The following PCDH9 variants were observed in gnomAD, a reference collection of about 807,000 sequenced individuals.
PCDH9 encodes protocadherin 9.
A neutral mutation model predicts 70.6 loss-of-function variants in PCDH9; 24 were observed. The ratio of observed to expected loss-of-function variants is 0.34; its 90% CI spans 0.25 to 0.48. The LOEUF (loss-of-function observed/expected upper bound fraction) is 0.48, where lower values mean the gene tolerates loss of function less well. Ranked by LOEUF, PCDH9 falls within the 20% of genes least tolerant of loss-of-function variation. The pLI, the probability that PCDH9 is intolerant of heterozygous loss-of-function variation, is 0.99. For missense variants in PCDH9, 1,281 were observed against 1,503.6 expected, an observed-to-expected ratio of 0.85 and a Z score of 2.45; for synonymous variants, 562 against 558.5, an observed-to-expected ratio of 1.01 and a Z score of -0.09.
chr13:66,657,567 C>A (rs1266691680), intron 3 of PCDH9, among the ~76,000 whole-genome samples: 1 of 152,202 alleles, frequency 6.6e-6, no homozygotes, highest in Non-Finnish European at 1.5e-5. Context: ...AATTCTCATT[C>A]TCTGTGCAGT....
intron 4 of PCDH9, among the ~76,000 whole-genome samples, chr13:66,463,653 C>G (rs1317428141): frequency 6.6e-6 from 1 of 151,582 alleles, no homozygotes; most frequent in Non-Finnish European, 1.5e-5. Context: ...TTTTGTGGAC[C>G]ACACTTTGAG....
At chr13:66,571,901 G>C (rs1171671186) in intron 4 of PCDH9, among the ~76,000 whole-genome samples, 1 of 151,810 alleles carries the variant, frequency 6.6e-6, no homozygotes, top group Non-Finnish European at 1.5e-5. Context: ...ATGAATGTTT[G>C]ATTACATATA....
chr13:67,022,106 C>CTTT lies in PCDH9; in HGVS notation c.3037-118504_3037-118502dup, dbSNP rs71110623. Among the ~76,000 whole-genome samples, 6 of 35,408 alleles carry CTTT rather than the reference C, an allele frequency of 1.7e-4. 1 individual carries two copies. The highest frequency in any genetic ancestry group is 6.4e-4 in the African/African-American group (5 of 7,782). 23.2% of individuals were successfully genotyped at this position (35,408 alleles called of 152,430 possible). On this transcript the variant is annotated intron_variant, in intron 2 of 4. Coordinates refer to ENST00000377865, the MANE Select transcript of PCDH9 (RefSeq NM_203487.3). ...GTCAAAGGGTGGACAAGGTGATGTT[C>CTTT]TTTTTTTTTTTTTTTTTTTTTTTTT...
intron 3 of PCDH9, among the ~76,000 whole-genome samples, chr13:66,854,637 T>C (rs772832071): frequency 2.0e-5 from 3 of 152,164 alleles, no homozygotes; most frequent in East Asian, 1.9e-4. Flanking sequence ...TTTTTTTGTA[T>C]GTTTTTGCTT....
intron 4 of PCDH9, among the ~76,000 whole-genome samples, chr13:66,427,496 A>G (rs1297287973): frequency 1.3e-5 from 2 of 151,776 alleles, no homozygotes; most frequent in Non-Finnish European, 3.0e-5. Flanking sequence ...GTTTTGTGTT[A>G]GTTCAAGATA....
intron 3 of PCDH9, among the ~76,000 whole-genome samples, chr13:66,658,152 C>A (rs549179846): frequency 9.9e-5 from 15 of 152,116 alleles, no homozygotes; most frequent in African/African-American, 3.6e-4. Context: ...AAAACCAGTC[C>A]CCCGATTGTA....
intron 4 of PCDH9, among the ~76,000 whole-genome samples, chr13:66,548,407 G>T (rs1306712864): frequency 5.3e-5 from 8 of 151,690 alleles, no homozygotes; most frequent in Non-Finnish European, 1.0e-4. Flanking sequence ...TCCACTAAAA[G>T]CACAAAAATT....
At chr13:66,380,687 G>GCGCCCGCCACCA (rs1480863010) in intron 4 of PCDH9, among the ~76,000 whole-genome samples, 1 of 151,900 alleles carries the variant, frequency 6.6e-6, no homozygotes, top group Non-Finnish European at 1.5e-5. Flanking sequence ...GGGACTACAG[G>GCGCCCGCCACCA]CGCCCGCCAC....
intron 2 of PCDH9, among the ~76,000 whole-genome samples, chr13:67,096,857 A>G (rs1484226129): frequency 6.6e-6 from 1 of 152,102 alleles, no homozygotes; most frequent in African/African-American, 2.4e-5. Flanking sequence ...TAAAAAATAA[A>G]GTTTATTAAA....
chr13:66,450,781 C>T lies in PCDH9; in HGVS notation c.3341-145753G>A, dbSNP rs551885048. ...CTGTAATCCCAGCACTTTGGGAGGC[C>T]GAGGCGGGCAGATCACGAGGTCAGG... is the stretch of plus-strand genomic sequence containing the variant. On this transcript the variant is annotated intron_variant, in intron 4 of 4. Transcript: ENST00000377865. Among the ~76,000 whole-genome samples, 180 of 152,192 alleles carry T rather than the reference C, an allele frequency of 1.2e-3. 4 individuals are homozygous for T. The highest frequency in any genetic ancestry group is 0.012 in the Admixed American group (177 of 15,288).
At chr13:67,089,298 CT>C (rs2086170374) in intron 2 of PCDH9, among the ~76,000 whole-genome samples, 2 of 152,050 alleles carry the variant, frequency 1.3e-5, no homozygotes, top group Non-Finnish European at 2.9e-5. Flanking sequence ...TTTTATTTGG[CT>C]TTTTAATAAG....
chr13:66,907,644 T>C (rs1266719284), intron 2 of PCDH9, among the ~76,000 whole-genome samples: 1 of 152,188 alleles, frequency 6.6e-6, no homozygotes, highest in East Asian at 1.9e-4. Context: ...TCTAGCCATA[T>C]TAAGAGAAAA....
chr13:66,881,573 T>C (rs951393351), intron 3 of PCDH9, among the ~76,000 whole-genome samples: 2 of 152,136 alleles, frequency 1.3e-5, no homozygotes, highest in Admixed American at 1.3e-4. Context: ...CCAAGCCAAA[T>C]CATATCATTC....
chr13:66,603,605 G>A (rs749628300), intron 4 of PCDH9, among the ~76,000 whole-genome samples: 8 of 151,926 alleles, frequency 5.3e-5, no homozygotes, highest in Non-Finnish European at 1.0e-4. Context: ...TTTAATTAAT[G>A]TATTTTCATG....
chr13:66,596,801 C>A (rs2077108879), intron 4 of PCDH9, among the ~76,000 whole-genome samples: 1 of 143,104 alleles, frequency 7.0e-6, no homozygotes, highest in African/African-American at 2.6e-5. Flanking sequence ...CAATTAACCT[C>A]TTTTATAATA....
intron 2 of PCDH9, among the ~76,000 whole-genome samples, chr13:67,175,987 G>A (rs747299957): frequency 1.3e-4 from 20 of 151,634 alleles, no homozygotes; most frequent in Non-Finnish European, 2.6e-4. Context: ...GCAAGAAGAT[G>A]TTTCCAGCTG....
chr13:66,845,074 A>C (rs1424594975), intron 3 of PCDH9, among the ~76,000 whole-genome samples: 3 of 151,878 alleles, frequency 2.0e-5, no homozygotes, highest in African/African-American at 4.8e-5. Flanking sequence ...AAAGAGCCAT[A>C]AGTTCTCACT....
chr13:66,781,687 A>G (rs1397869121), intron 3 of PCDH9, among the ~76,000 whole-genome samples: 7 of 152,282 alleles, frequency 4.6e-5, no homozygotes, highest in Non-Finnish European at 5.9e-5. Context: ...ACTAAACTAG[A>G]AAAAACATAT....
chr13:66,815,012 C>T (rs1354191838), intron 3 of PCDH9, among the ~76,000 whole-genome samples: 2 of 151,870 alleles, frequency 1.3e-5, no homozygotes, highest in African/African-American at 4.8e-5. Flanking sequence ...TCTACACATC[C>T]CACAAAGGTC....
Sources: allele counts gnomAD v4.1 joint callset (sites outside exome capture counted in the v4.1 genomes callset), GRCh38; gene constraint gnomAD v4.1.1; transcripts MANE v1.5; gene names NCBI Gene and HGNC (gene_info 2026-07-23, HGNC 2026-07-21).